Variants in CELSR1 observed in about 807,000 individuals in gnomAD.
The protein encoded by CELSR1 is cadherin EGF LAG seven-pass G-type receptor 1.
A neutral mutation model predicts 249.1 loss-of-function variants in CELSR1; 110 were observed. The observed-to-expected ratio is 0.44, with a 90% CI of 0.38 to 0.52. The LOEUF (loss-of-function observed/expected upper bound fraction) is 0.52, where lower values mean the gene tolerates loss of function less well. Among genes scored for constraint, CELSR1 ranks in the 20% least tolerant of loss-of-function variants. CELSR1 has a pLI of 0.00. For synonymous variants in CELSR1, 2,113 were observed against 1,900.0 expected, an observed-to-expected ratio of 1.11 and a Z score of -2.92; for missense variants, 4,109 against 4,296.4, an observed-to-expected ratio of 0.96 and a Z score of 1.22.
chr22:46,366,974 T>C lies in CELSR1; in HGVS notation c.8205+19A>G, dbSNP rs2078791032. On this transcript the variant is annotated intron_variant, in intron 29 of 34. Transcript: ENST00000674500. ...TGCCGCCCAGCCCCCAGTCCCGCGGTGTCCCCGGCGCCTCCTACCGTCAGC... is the reference window on the plus strand; with the variant it reads ...TGCCGCCCAGCCCCCAGTCCCGCGGCGTCCCCGGCGCCTCCTACCGTCAGC... 1 of 1,598,202 alleles carries C rather than the reference T, an allele frequency of 6.3e-7. No individual in the cohort carries two copies. The highest frequency in any genetic ancestry group is 1.1e-5 in the South Asian group (1 of 89,526).
At position 46,526,070 on chromosome 22, in the gene CELSR1, C is replaced by T. The variant is rs1437453251; in HGVS notation, c.3544+7557G>A. ...GGGCCAGACATAGACCTCTTGTCCC[C>T]GGGCAGCTGGTGCTGAGGTGGGCGC... On this transcript the variant is annotated intron_variant, in intron 1 of 34. Transcript: ENST00000674500. The surrounding 1 kb of genome is among the most constrained non-coding windows in gnomAD (Gnocchi z 4.7). Among the ~76,000 whole-genome samples the T allele has an allele frequency of 6.6e-6, 1 of 152,220 alleles. No homozygotes were observed. The highest frequency in any genetic ancestry group is 1.9e-4 in the East Asian group (1 of 5,206).
Position 46,526,123 on chromosome 22 carries a change from G to C in CELSR1, c.3544+7504C>G, listed in dbSNP as rs1444619891. Among the ~76,000 whole-genome samples the C allele has an allele frequency of 1.3e-5, 2 of 152,206 alleles. No homozygotes were observed. Among genetic ancestry groups the C allele is most frequent in the African/African-American group, 4.8e-5 (2 of 41,456 alleles). ...TGCCCTGGTGAGTCCATGTCCCGTG[G>C]ACCTGTGGCCCCTTCCATTCTCCCA... On this transcript the variant is annotated intron_variant, in intron 1 of 34. Coordinates refer to ENST00000674500, the MANE Select transcript of CELSR1 (RefSeq NM_001378328.1). The surrounding 1 kb of genome is among the most constrained non-coding windows in gnomAD (Gnocchi z 4.7).
rs2079574175 is a variant in CELSR1 at position 46,429,817 on chromosome 22, A to C, written c.4611+3576T>G. ...CCATGACCCCTTCTTTCTGGGCTCC[A>C]ATCTGCCCTTTCCCTTGATGCTCTA... On this transcript the variant is annotated intron_variant, in intron 5 of 34. Coordinates refer to ENST00000674500, the MANE Select transcript of CELSR1 (RefSeq NM_001378328.1). The surrounding 1 kb of genome is among the most constrained non-coding windows in gnomAD (Gnocchi z 4.1). 6.6e-6 allele frequency among the ~76,000 whole-genome samples: 1 copy of C among 152,224 alleles called. No homozygotes were observed. Among genetic ancestry groups the C allele is most frequent in the African/African-American group, 2.4e-5 (1 of 41,456 alleles).
rs61737816 is a variant in CELSR1 at position 46,433,480 on chromosome 22, G to C, written c.4524C>G (p.Gly1508=). The C allele has an allele frequency of 6.2e-7, 1 of 1,612,472 alleles. No homozygotes were observed. The highest frequency in any genetic ancestry group is 8.5e-7 in the Non-Finnish European group (1 of 1,178,964). Reference sequence around the variant, plus strand: ...TCGGTGCCACGGTCGTTGTTGTCTCGCCTGCATGGTGGGAGGGAGACCCAG... The same window carrying C: ...TCGGTGCCACGGTCGTTGTTGTCTCCCCTGCATGGTGGGAGGGAGACCCAG... ...DEQVQLTFSA[G]ETTTTVAPKV... Residue 1508 remains glycine, a splice_region_variant and synonymous_variant, in exon 5 of 35, where the codon GGC becomes GGG. Coordinates refer to ENST00000674500, the MANE Select transcript of CELSR1 (RefSeq NM_001378328.1). This position sits in a 1 kb window ranked among gnomAD's most constrained non-coding sequence, Gnocchi z 5.7.
At chr22:46,365,422 G>A (rs974103437) in intron 31 of CELSR1, 42 bp from the exon 32 acceptor site, 8 of 1,605,454 alleles carry the variant, frequency 5.0e-6, no homozygotes, top group Middle Eastern at 1.7e-4. Context: ...GCCCTGGGAG[G>A]TGAGGGAGTC....
chr22:46,492,525 T>C (rs2080377201), intron 1 of CELSR1, among the ~76,000 whole-genome samples: 1 of 152,140 alleles, frequency 6.6e-6, no homozygotes, highest in Admixed American at 6.6e-5. Flanking sequence ...TCTTCCAGAT[T>C]AGAAACAGGC....
At chr22:46,453,400 A>G (rs2079908998) in intron 2 of CELSR1, among the ~76,000 whole-genome samples, 1 of 152,334 alleles carries the variant, frequency 6.6e-6, no homozygotes, top group African/African-American at 2.4e-5. Context: ...CACTAGTGAC[A>G]GATCAACGTC....
intron 1 of CELSR1, among the ~76,000 whole-genome samples, chr22:46,504,552 T>TA (rs752228882): frequency 5.3e-4 from 76 of 143,582 alleles, no homozygotes; most frequent in Non-Finnish European, 5.9e-4. Context: ...GCTAAGCAGA[T>TA]AAAAAACTGC....
intron 20 of CELSR1, 42 bp from the exon 21 acceptor site, chr22:46,382,092 T>C: frequency 6.8e-7 from 1 of 1,461,192 alleles, no homozygotes; most frequent in Non-Finnish European, 9.1e-7. Context: ...CAGGAGCACC[T>C]GTGTTCCCCA....
At chr22:46,453,808 A>G (rs2079914086) in intron 2 of CELSR1, among the ~76,000 whole-genome samples, 1 of 152,172 alleles carries the variant, frequency 6.6e-6, no homozygotes, top group Non-Finnish European at 1.5e-5. Flanking sequence ...CCCCCACCAC[A>G]GCGCCGATGG....
intron 24 of CELSR1, among the ~76,000 whole-genome samples, chr22:46,376,230 T>A (rs928808794): frequency 6.6e-6 from 1 of 152,238 alleles, no homozygotes; most frequent in African/African-American, 2.4e-5. Context: ...CCCTTAAATG[T>A]ACTGGTGAGG....
chr22:46,470,944 G>GC (rs1408203804), intron 1 of CELSR1, among the ~76,000 whole-genome samples: 1 of 152,134 alleles, frequency 6.6e-6, no homozygotes, highest in Non-Finnish European at 1.5e-5. Context: ...GGCGAACGTG[G>GC]CAAAACCCTG....
In CELSR1 at chr22:46,408,489, G is replaced by C. The variant is rs574077285; in HGVS notation, c.5226+507C>G. ...TGGGGTTACAGGCCCCCACTACCAA[G>C]CCTGGCTAATTTTTTTTGTATTTTT... On this transcript the variant is annotated intron_variant, in intron 9 of 34. Coordinates refer to ENST00000674500, the MANE Select transcript of CELSR1 (RefSeq NM_001378328.1). The surrounding 1 kb of genome is among the most constrained non-coding windows in gnomAD (Gnocchi z 4.6). Among the ~76,000 whole-genome samples, 96 of 152,266 alleles carry C rather than the reference G, an allele frequency of 6.3e-4. No individual in the cohort carries two copies. The highest frequency in any genetic ancestry group is 2.0e-3 in the African/African-American group (83 of 41,556).
chr22:46,522,961 C>T (rs535870111), intron 1 of CELSR1, among the ~76,000 whole-genome samples: 1 of 152,372 alleles, frequency 6.6e-6, no homozygotes, highest in East Asian at 1.9e-4. Flanking sequence ...AAAGGACAGC[C>T]CCTGGGGCCT....
At position 46,391,599 on chromosome 22, in the gene CELSR1, T is replaced by C; in HGVS notation, c.6148+34A>G. The C allele has an allele frequency of 2.6e-6, 4 of 1,550,904 alleles. No homozygotes were observed. The highest frequency in any genetic ancestry group is 3.5e-6 in the Non-Finnish European group (4 of 1,156,598). ...CCAGTGCAGCAGCCTGTCCCCGCGC[T>C]GTAACCTGCAGGGTGTCGAGGGGCA... On this transcript the variant is annotated intron_variant, in intron 15 of 34. Coordinates refer to ENST00000674500, the MANE Select transcript of CELSR1 (RefSeq NM_001378328.1). The surrounding 1 kb of genome is among the most constrained non-coding windows in gnomAD (Gnocchi z 4.3).
rs372618228 is a variant in CELSR1 at position 46,391,677 on chromosome 22, C to A, written c.6104G>T (p.Arg2035Leu). The A allele has an allele frequency of 1.2e-6, 2 of 1,608,922 alleles. No individual in the cohort carries two copies. Among genetic ancestry groups the A allele is most frequent in the Middle Eastern group, 2.0e-4 (1 of 4,978 alleles). Residue 2035 changes from arginine (R) to leucine (L), a missense_variant, in exon 15 of 35, where the codon CGC (arginine) becomes CTC (leucine). Arg to Leu is a moderately radical substitution (Grantham distance 102). Transcript: ENST00000674500. This position sits in a 1 kb window ranked among gnomAD's most constrained non-coding sequence, Gnocchi z 4.3. ...GACCTCGGCAAACGGGTTGTCGCAG[C>A]GGTTGCACTGGCGGCCGATGACGCC... ...KPGVIGRQCN[R>L]CDNPFAEVTT... is the part of the protein sequence containing the mutation.
rs900709474 is a variant in CELSR1 at position 46,429,937 on chromosome 22, T to A, written c.4611+3456A>T. On this transcript the variant is annotated intron_variant, in intron 5 of 34. Transcript: ENST00000674500. This position sits in a 1 kb window ranked among gnomAD's most constrained non-coding sequence, Gnocchi z 4.1. ...GCCCCATGCCCTGCCCAGCCCTTTG[T>A]AAATAACCCTTCCAGGGCTGGTCCC... Among the ~76,000 whole-genome samples the A allele has an allele frequency of 1.3e-5, 2 of 152,174 alleles. No homozygotes were observed. Among genetic ancestry groups the A allele is most frequent in the African/African-American group, 2.4e-5 (1 of 41,448 alleles).
intron 27 of CELSR1, 94 bp from the exon 28 acceptor site, chr22:46,367,949 CGTCCGCCCATCTATCTGTCCGTCCACCT>C: frequency 6.8e-7 from 1 of 1,460,308 alleles, no homozygotes; most frequent in Non-Finnish European, 9.2e-7. Context: ...CCTGCCTGCC[CGTCCGCCCATCTATCTGTCCGTCCACCT>C]GTCCACCCAG....
Position 46,411,830 on chromosome 22 carries a change from C to T in CELSR1, c.4612-71G>A. ...GTGCCCTCAGCAGGCGCACCTGTCA[C>T]TCATAGAGCGAGGAGGACATGGCAC... On this transcript the variant is annotated intron_variant, in intron 5 of 34. Coordinates refer to ENST00000674500, the MANE Select transcript of CELSR1 (RefSeq NM_001378328.1). This position sits in a 1 kb window ranked among gnomAD's most constrained non-coding sequence, Gnocchi z 4.2. The T allele has an allele frequency of 2.5e-6, 4 of 1,591,820 alleles. No homozygotes were observed. The highest frequency in any genetic ancestry group is 3.4e-6 in the Non-Finnish European group (4 of 1,167,660).
Sources: gnomAD v4.1 joint callset for allele counts (sites outside exome capture counted in the v4.1 genomes callset) on GRCh38, gnomAD v4.1.1 for gene constraint, Gnocchi (gnomAD v3.1) non-coding constraint, MANE v1.5 for transcripts, NCBI Gene and HGNC (gene_info 2026-07-23, HGNC 2026-07-21) for gene names.